Variants in KCP observed in about 807,000 individuals in gnomAD.
KCP encodes kielin cysteine rich BMP regulator.
In KCP, 194 loss-of-function variants were observed where a neutral mutation model predicts 212.7. That is an observed-to-expected ratio of 0.91 (90% CI 0.81 to 1.03). The LOEUF is 1.03. Ranked by LOEUF, KCP falls within the 50% of genes least tolerant of loss-of-function variation. KCP has a pLI of 0.00. For missense variants in KCP, 2,080 were observed against 2,162.5 expected, an observed-to-expected ratio of 0.96 and a Z score of 0.76; for synonymous variants, 833 against 865.3, an observed-to-expected ratio of 0.96 and a Z score of 0.65.
At chr7:128,904,407 T>C in intron 5 of KCP, 1 of 1,493,492 alleles carries the variant, frequency 6.7e-7, no homozygotes, top group Non-Finnish European at 9.1e-7. Flanking sequence ...GAGCCAGCCC[T>C]CCCTTCCCCC....
chr7:128,892,467 AGCCTCTGGGGCCCTGATCCCCTCAG>A (rs1303169149), intron 16 of KCP, 22 bp downstream of exon 16: 1 of 1,369,318 alleles, frequency 7.3e-7, no homozygotes, highest in Non-Finnish European at 9.8e-7. Context: ...GTGGGACAGC[AGCCTCTGGGGCCCTGATCCCCTCAG>A]GCCCAGTGAG....
Position 128,888,008 on chromosome 7 carries a change from C to T in KCP, c.2513-708G>A, listed in dbSNP as rs1269400045. ...ACACACAGAGACCCCCCCACATACA[C>T]ACCCACACACAGCCACACACACACA... On this transcript the variant is annotated intron_variant, in intron 22 of 39. Coordinates refer to ENST00000610776, the MANE Select transcript of KCP (RefSeq NM_001366122.1). Among the ~76,000 whole-genome samples the T allele has an allele frequency of 3.4e-5, 5 of 149,016 alleles. No individual in the cohort carries two copies. The East Asian group carries it at 9.9e-4, about 29-fold the overall frequency.
In KCP at chr7:128,880,628, G is replaced by A. The variant is rs1421584647; in HGVS notation, c.3607C>T (p.Arg1203Ter). 5.4e-6 allele frequency: 6 copies of A among 1,106,778 alleles called. No individual in the cohort carries two copies. Among genetic ancestry groups the A allele is most frequent in the African/African-American group, 4.9e-5 (3 of 61,796 alleles). The allele number at this position is 1,106,778 out of a possible 1,614,324, so 68.6% of individuals were successfully genotyped here. Residue 1203 changes from arginine (R) to a stop codon, truncating the protein, a stop_gained, in exon 33 of 40, where the codon CGA becomes TGA. Transcript: ENST00000610776. LOFTEE classifies it high-confidence loss of function. ...CACCCTGGCTGCGCACCTTGGCATC[G>A]CTCACAGCAGCTGTCAGCCTGGGGC... The part of the protein sequence containing the change: ...KVPQADSCCE[R>*]CQAPTQSCVH...
In KCP at chr7:128,902,794, G is replaced by A. The variant is rs1481333839; in HGVS notation, c.814C>T (p.Arg272Ter). 23 of 1,551,428 alleles carry A rather than the reference G, an allele frequency of 1.5e-5. No individual in the cohort carries two copies. Among genetic ancestry groups the A allele is most frequent in the Admixed American group, 1.4e-4 (7 of 50,990 alleles). The change falls in exon 8 of 40, where the codon CGA (arginine) becomes TGA (stop). Residue 272 changes from arginine (R) to a stop codon, truncating the protein, a stop_gained. Transcript: ENST00000610776. LOFTEE classifies it high-confidence loss of function. ...QEWTTPGDPCRICRCLEGHIQ... is the reference protein window; with the variant it reads ...QEWTTPGDPC ...GGACTCACCAGGCACCGGCAGATTCGGCAGGGGTCCCCAGGTGTTGTCCAC... is the reference window on the plus strand; with the variant it reads ...GGACTCACCAGGCACCGGCAGATTCAGCAGGGGTCCCCAGGTGTTGTCCAC...
chr7:128,887,044 G>T, intron 23 of KCP, 78 bp from the exon 24 acceptor site: 1 of 1,020,074 alleles, frequency 9.8e-7, no homozygotes, highest in Non-Finnish European at 1.5e-6. Flanking sequence ...GAGCCTGCAG[G>T]GGCCCAAACA....
intron 20 of KCP, 109 bp from the exon 21 acceptor site, chr7:128,890,622 G>A: frequency 2.2e-6 from 2 of 894,032 alleles, no homozygotes; most frequent in Non-Finnish European, 3.3e-6. Context: ...GGGCCGTGGG[G>A]GCTGGAGGTC....
chr7:128,890,885 G>T lies in KCP; in HGVS notation c.2164+20C>A. On this transcript the variant is annotated intron_variant, in intron 20 of 39. Transcript: ENST00000610776. ...GCGGCAGGACGCGGGTGGCCGGGAG[G>T]GGCACCGCCAGGGCGTTACCGTCGC... is the stretch of plus-strand genomic sequence containing the variant. 2 of 1,249,952 alleles carry T rather than the reference G, an allele frequency of 1.6e-6. No homozygotes were observed. The highest frequency in any genetic ancestry group is 3.7e-5 in the South Asian group (1 of 27,270). The allele number at this position is 1,249,952 out of a possible 1,614,324, so 77.4% of individuals were successfully genotyped here. A position where few individuals can be genotyped will look rare whatever the true frequency, so the allele number is the denominator to read the frequency against.
In KCP at chr7:128,885,184, C is replaced by T. The variant is rs1793572193; in HGVS notation, c.2953G>A (p.Gly985Ser). 1 of 1,550,866 alleles carries T rather than the reference C, an allele frequency of 6.4e-7. No homozygotes were observed. Among genetic ancestry groups the T allele is most frequent in the Non-Finnish European group, 8.7e-7 (1 of 1,146,996 alleles). Residue 985 changes from glycine (G) to serine (S), a missense_variant, in exon 27 of 40, where the codon GGC (glycine) becomes AGC (serine). By Grantham distance (56) the Gly-to-Ser change is moderately conservative. Transcript: ENST00000610776. ...SACSSCVCHE[G>S]VVTCARIQCI... ...TGGATGCGTGCACAGGTGACGACGC[C>T]CTCGTGACACACACAGGAGGAGCAG... is the stretch of plus-strand genomic sequence containing the variant.
chr7:128,892,930 T>C lies in KCP; in HGVS notation c.1359A>G (p.Val453=). 6.7e-7 allele frequency: 1 copy of C among 1,492,020 alleles called. No individual in the cohort carries two copies. Among genetic ancestry groups the C allele is most frequent in the South Asian group, 1.2e-5 (1 of 82,946 alleles). 92.4% of individuals were successfully genotyped at this position (1,492,020 alleles called of 1,614,324 possible). ...PCTACVCQDG[V]PKCGAVLCPP... ...GGCAGAGCACAGCCCCGCACTTGGG[T>C]ACCCCATCTTGACAGACGCAGGCGG... The change falls in exon 14 of 40, where the codon GTA becomes GTG. Residue 453 remains valine, a synonymous_variant. Coordinates refer to ENST00000610776, the MANE Select transcript of KCP (RefSeq NM_001366122.1).
At chr7:128,887,824 TAC>T (rs149751415) in intron 22 of KCP, among the ~76,000 whole-genome samples, 15,027 of 128,212 alleles carry the variant, frequency 0.12, 1,896 homozygotes, top group African/African-American at 0.32. Flanking sequence ...CACAGCCACA[TAC>T]ACACACACAC....
chr7:128,879,656 T>A lies in KCP; in HGVS notation c.4045-33A>T, dbSNP rs553136601. 5.8e-6 allele frequency: 9 copies of A among 1,549,470 alleles called. No homozygotes were observed. In the South Asian group the frequency reaches 1.1e-4, roughly 18 times the overall value. On this transcript the variant is annotated intron_variant, in intron 36 of 39. Coordinates refer to ENST00000610776, the MANE Select transcript of KCP (RefSeq NM_001366122.1). Reference sequence around the variant, plus strand: ...ATAAAGGAGGTGGGAGGAGGGGTGATGTCGAGGCACATGGGTGGACAGCAC... The same window carrying A: ...ATAAAGGAGGTGGGAGGAGGGGTGAAGTCGAGGCACATGGGTGGACAGCAC...
At chr7:128,884,899 G>A (rs973985093) in intron 27 of KCP, 36 bp from the exon 28 acceptor site, 2 of 1,544,330 alleles carry the variant, frequency 1.3e-6, no homozygotes, top group Admixed American at 2.0e-5. Context: ...GGGACCAGGG[G>A]TCCTTCAGGC....
intron 4 of KCP, among the ~76,000 whole-genome samples, chr7:128,906,804 G>T (rs932153142): frequency 7.3e-5 from 11 of 149,738 alleles, no homozygotes; most frequent in African/African-American, 2.7e-4. Flanking sequence ...AGTAATTGCG[G>T]TTTTTGCCAT....
chr7:128,904,103 C>A lies in KCP; in HGVS notation c.607G>T (p.Val203Phe). The change falls in exon 6 of 40, where the codon GTC (valine) becomes TTC (phenylalanine). Residue 203 changes from valine (V) to phenylalanine (F), a missense_variant. Physicochemically the swap from Val to Phe is conservative, Grantham distance 50. Coordinates refer to ENST00000610776, the MANE Select transcript of KCP (RefSeq NM_001366122.1). Reference protein sequence around the residue: ...DYEGQLYEEGVTFLSSSNPCL... With the variant: ...DYEGQLYEEGFTFLSSSNPCL... ...GGGTTGGAGCTGGACAGGAAGGTGA[C>A]CCCCTCCTCATAAAGCTGCCCCTCA... 1 of 1,551,568 alleles carries A rather than the reference C, an allele frequency of 6.4e-7. No individual in the cohort carries two copies. Among genetic ancestry groups the A allele is most frequent in the Non-Finnish European group, 8.7e-7 (1 of 1,146,930 alleles).
Position 128,878,608 on chromosome 7 carries a change from G to T in KCP, c.4261C>A (p.Pro1421Thr), listed in dbSNP as rs1235638829. The change falls in exon 38 of 40, where the codon CCT becomes ACT. Residue 1421 changes from proline to threonine, a missense_variant. By Grantham distance (38) the Pro-to-Thr change is conservative. Coordinates refer to ENST00000610776, the MANE Select transcript of KCP (RefSeq NM_001366122.1). ...TCCGAGGGCAGGAGCAGCCCCTCAG[G>T]GCCCTGCAGATCGTCCTGGGCAAAG... ...NGFAQDDLQG[P>T]EGLLLPSEAA... The T allele has an allele frequency of 9.7e-6, 15 of 1,551,400 alleles. No individual in the cohort carries two copies. Among genetic ancestry groups the T allele is most frequent in the Non-Finnish European group, 8.7e-7 (1 of 1,146,998 alleles).
chr7:128,877,611 C>A lies in KCP; in HGVS notation c.4491G>T (p.Val1497=). 6.4e-7 allele frequency: 1 copy of A among 1,551,704 alleles called. No homozygotes were observed. The highest frequency in any genetic ancestry group is 8.7e-7 in the Non-Finnish European group (1 of 1,146,998). The stretch of plus-strand genomic sequence containing the variant: ...CAGGGCCACAGGCACACAGGTCATA[C>A]ACACAGGCGGCAAAGAAGGGCTCCG... ...VPPEPFFAAC[V]YDLCACGPGS... The change falls in exon 39 of 40, where the codon GTG becomes GTT. Residue 1497 remains valine (V), a synonymous_variant. Transcript: ENST00000610776.
At chr7:128,886,833 G>A (rs1793678434) in intron 24 of KCP, 43 bp downstream of exon 24, 4 of 1,392,784 alleles carry the variant, frequency 2.9e-6, no homozygotes, top group African/African-American at 2.9e-5. Flanking sequence ...GGAGGGAGAG[G>A]CGGGGAAGGG....
Position 128,894,066 on chromosome 7 carries a change from G to T in KCP, c.926-11C>A. 1 of 1,548,140 alleles carries T rather than the reference G, an allele frequency of 6.5e-7. No individual in the cohort carries two copies. The highest frequency in any genetic ancestry group is 1.2e-5 in the South Asian group (1 of 83,846). ...CGTTTAGGAAACAGCCTGTTGGGAAGGGGGGCCTTAGATGTTCCTCAGGGG... is the reference window on the plus strand; with the variant it reads ...CGTTTAGGAAACAGCCTGTTGGGAATGGGGGCCTTAGATGTTCCTCAGGGG... On this transcript the variant is annotated splice_polypyrimidine_tract_variant and intron_variant, in intron 9 of 39. Transcript: ENST00000610776.
Position 128,891,448 on chromosome 7 carries a change from C to T in KCP, c.1878+3G>A. ...GGCGCCTCCCACCCAGGTGCAGACTCACCAGACAGCGACACAGACGGCAGG... is the reference window on the plus strand; with the variant it reads ...GGCGCCTCCCACCCAGGTGCAGACTTACCAGACAGCGACACAGACGGCAGG... On this transcript the variant is annotated splice_donor_region_variant and intron_variant, in intron 18 of 39. Transcript: ENST00000610776. 1.3e-6 allele frequency: 2 copies of T among 1,550,450 alleles called. No homozygotes were observed. Among genetic ancestry groups the T allele is most frequent in the Non-Finnish European group, 1.7e-6 (2 of 1,146,714 alleles).
Sources: gnomAD v4.1 joint callset for allele counts (sites outside exome capture counted in the v4.1 genomes callset) on GRCh38, gnomAD v4.1.1 for gene constraint, MANE v1.5 for transcripts, NCBI Gene and HGNC (gene_info 2026-07-23, HGNC 2026-07-21) for gene names.